XXYLT1: variants seen among roughly 807,000 people sequenced by gnomAD.
XXYLT1 encodes the protein xyloside xylosyltransferase 1.
XXYLT1 carries 20 observed loss-of-function variants against 28.9 expected under a neutral mutation model. That is an observed-to-expected ratio of 0.69 (90% CI 0.49 to 1.00). XXYLT1 has a LOEUF of 1.00. Ranked by LOEUF, XXYLT1 falls within the 50% of genes least tolerant of loss-of-function variation. The pLI is 0.00. For missense variants in XXYLT1, 542 were observed against 560.1 expected, an observed-to-expected ratio of 0.97 and a Z score of 0.33; for synonymous variants, 257 against 253.8, an observed-to-expected ratio of 1.01 and a Z score of -0.12.
chr3:195,193,730 C>A (rs1560145328), intron 2 of XXYLT1, among the ~76,000 whole-genome samples: 1 of 152,088 alleles, frequency 6.6e-6, no homozygotes, highest in Non-Finnish European at 1.5e-5. Flanking sequence ...AGAAATAAAT[C>A]CTCACATTTA....
chr3:195,219,271 T>A (rs1335659576), intron 2 of XXYLT1, among the ~76,000 whole-genome samples: 3 of 152,142 alleles, frequency 2.0e-5, no homozygotes, highest in Non-Finnish European at 2.9e-5. Flanking sequence ...CATATGTAAC[T>A]AACCTGCACA....
At chr3:195,231,566 A>G (rs1724299932) in intron 1 of XXYLT1, among the ~76,000 whole-genome samples, 2 of 152,012 alleles carry the variant, frequency 1.3e-5, no homozygotes, top group South Asian at 4.2e-4. Flanking sequence ...CTCTATACTC[A>G]GTTTTTTGAG....
At position 195,246,407 on chromosome 3, in the gene XXYLT1, G is replaced by A. The variant is rs377756381; in HGVS notation, c.505-19551C>T. Among the ~76,000 whole-genome samples, 67 of 152,310 alleles carry A rather than the reference G, an allele frequency of 4.4e-4. 1 individual carries two copies. Among genetic ancestry groups the A allele is most frequent in the Non-Finnish European group, 4.4e-4 (30 of 68,040 alleles). On this transcript the variant is annotated intron_variant, in intron 1 of 3. Coordinates refer to ENST00000310380, the MANE Select transcript of XXYLT1 (RefSeq NM_152531.5). The stretch of plus-strand genomic sequence containing the variant: ...GTCTTTGGCAAGCAGATACAGAGAC[G>A]AAGACCGTGTAAGCACAGCAATACA...
intron 1 of XXYLT1, among the ~76,000 whole-genome samples, chr3:195,267,071 T>A (rs1387484224): frequency 6.6e-6 from 1 of 152,242 alleles, no homozygotes; most frequent in African/African-American, 2.4e-5. Flanking sequence ...TTAGCCAAAA[T>A]AAAATCTAAG....
chr3:195,206,947 C>T (rs1286905795), intron 2 of XXYLT1, among the ~76,000 whole-genome samples: 1 of 152,042 alleles, frequency 6.6e-6, no homozygotes, highest in African/African-American at 2.4e-5. Flanking sequence ...ATGCTCTCCT[C>T]TCTCCTTCTG....
chr3:195,075,264 A>ATAAG (rs1327431313), intron 3 of XXYLT1, among the ~76,000 whole-genome samples: 1 of 152,168 alleles, frequency 6.6e-6, no homozygotes, highest in Non-Finnish European at 1.5e-5. Context: ...AGAAAAAAGA[A>ATAAG]TAAGTGTTCC....
chr3:195,175,602 C>A (rs777177386), intron 2 of XXYLT1: 3 of 1,536,038 alleles, frequency 2.0e-6, no homozygotes, highest in South Asian at 2.4e-5. Flanking sequence ...CAGATGGACA[C>A]GGTAGTAACA....
chr3:195,257,910 C>T lies in XXYLT1; in HGVS notation c.504+12645G>A, dbSNP rs1303767699. Reference sequence around the variant, plus strand: ...CCAAGCTCCCTGCCCCCCAGCCAGCCTCTCCATCCTCACAAAGCAGCCCCG... The same window carrying T: ...CCAAGCTCCCTGCCCCCCAGCCAGCTTCTCCATCCTCACAAAGCAGCCCCG... On this transcript the variant is annotated intron_variant, in intron 1 of 3. Coordinates refer to ENST00000310380, the MANE Select transcript of XXYLT1 (RefSeq NM_152531.5). This position sits in a 1 kb window ranked among gnomAD's most constrained non-coding sequence, Gnocchi z 4.3. Among the ~76,000 whole-genome samples, 1 of 152,130 alleles carries T rather than the reference C, an allele frequency of 6.6e-6. No individual in the cohort carries two copies. Among genetic ancestry groups the T allele is most frequent in the Non-Finnish European group, 1.5e-5 (1 of 68,026 alleles).
Position 195,133,996 on chromosome 3 carries a change from G to C in XXYLT1, c.785+22453C>G, listed in dbSNP as rs756511694. ...GGAGGCTGAGGCAGGAGGGTCGCCT[G>C]AGCCCAGGAGTTTGAGACCAACCTC... On this transcript the variant is annotated intron_variant, in intron 3 of 3. Coordinates refer to ENST00000310380, the MANE Select transcript of XXYLT1 (RefSeq NM_152531.5). The surrounding 1 kb of genome is among the most constrained non-coding windows in gnomAD (Gnocchi z 4.4). Among the ~76,000 whole-genome samples, 9 of 152,190 alleles carry C rather than the reference G, an allele frequency of 5.9e-5. No homozygotes were observed. The highest frequency in any genetic ancestry group is 1.3e-4 in the Non-Finnish European group (9 of 68,018).
intron 1 of XXYLT1, among the ~76,000 whole-genome samples, chr3:195,261,238 G>A (rs529722624): frequency 3.2e-4 from 49 of 152,114 alleles, no homozygotes; most frequent in Non-Finnish European, 6.8e-4. Flanking sequence ...TTCGAGCCCA[G>A]CCTGGCCAAC....
At chr3:195,086,519 C>T (rs184271632) in intron 3 of XXYLT1, among the ~76,000 whole-genome samples, 4 of 152,258 alleles carry the variant, frequency 2.6e-5, no homozygotes, top group South Asian at 2.1e-4. Flanking sequence ...TGGTTAGGGG[C>T]AGGGGCTGTG....
chr3:195,149,341 G>A (rs1289815734), intron 3 of XXYLT1, among the ~76,000 whole-genome samples: 2 of 152,156 alleles, frequency 1.3e-5, no homozygotes, highest in African/African-American at 4.8e-5. Context: ...CATCCGATGG[G>A]GGGGCAACAG....
chr3:195,159,235 C>CGCAACAAAAAGAATGGCATG (rs1720751373), intron 2 of XXYLT1, among the ~76,000 whole-genome samples: 1 of 152,148 alleles, frequency 6.6e-6, no homozygotes, highest in Non-Finnish European at 1.5e-5. Context: ...CTTGAGAAAA[C>CGCAACAAAAAGAATGGCATG]GCAACAAAAA....
intron 3 of XXYLT1, among the ~76,000 whole-genome samples, chr3:195,123,835 G>A (rs559397066): frequency 2.8e-4 from 43 of 152,146 alleles, no homozygotes; most frequent in Non-Finnish European, 5.3e-4. Flanking sequence ...TCTGTCCCCC[G>A]CCCAGGACAT....
chr3:195,201,230 C>T (rs1001666968), intron 2 of XXYLT1, among the ~76,000 whole-genome samples: 1 of 152,166 alleles, frequency 6.6e-6, no homozygotes, highest in African/African-American at 2.4e-5. Flanking sequence ...GAGTGTCTAA[C>T]CCACTGCCTT....
chr3:195,239,445 C>T (rs968574534), intron 1 of XXYLT1, among the ~76,000 whole-genome samples: 1 of 152,134 alleles, frequency 6.6e-6, no homozygotes, highest in African/African-American at 2.4e-5. Flanking sequence ...TCGAGAGCTG[C>T]AAGAAGAACA....
intron 3 of XXYLT1, among the ~76,000 whole-genome samples, chr3:195,102,623 G>C (rs1346625558): frequency 1.3e-5 from 2 of 152,084 alleles, no homozygotes; most frequent in African/African-American, 4.8e-5. Context: ...CAAATGGTAT[G>C]ACTCCTTCTT....
In XXYLT1 at chr3:195,219,878, T is replaced by C. The variant is rs537063966; in HGVS notation, c.652+6831A>G. Among the ~76,000 whole-genome samples the C allele has an allele frequency of 1.7e-3, 256 of 152,280 alleles. 1 individual carries two copies. The highest frequency in any genetic ancestry group is 4.7e-3 in the African/African-American group (196 of 41,552). On this transcript the variant is annotated intron_variant, in intron 2 of 3. Coordinates refer to ENST00000310380, the MANE Select transcript of XXYLT1 (RefSeq NM_152531.5). ...CTGGCTTTGCTGTTCTTTTCTACAA[T>C]GGCAAGCGTCACACTAGGCTTCAAG...
At chr3:195,117,114 T>TACAC (rs10633458) in intron 3 of XXYLT1, among the ~76,000 whole-genome samples, 1,974 of 148,734 alleles carry the variant, frequency 0.013, 44 homozygotes, top group African/African-American at 0.044. Flanking sequence ...ATATAGTGTA[T>TACAC]ACACACACAC....
Sources: allele counts gnomAD v4.1 joint callset (sites outside exome capture counted in the v4.1 genomes callset), GRCh38; gene constraint gnomAD v4.1.1; non-coding constraint Gnocchi (gnomAD v3.1); transcripts MANE v1.5; gene names NCBI Gene and HGNC (gene_info 2026-07-23, HGNC 2026-07-21).